TSPEAR: variants seen among roughly 807,000 people sequenced by gnomAD.
TSPEAR encodes thrombospondin-type laminin G domain and EAR repeat-containing protein.
Under a neutral mutation model 71.6 loss-of-function variants are expected in TSPEAR, and 69 were observed. The ratio of observed to expected loss-of-function variants is 0.96; its 90% CI spans 0.79 to 1.18. The LOEUF (loss-of-function observed/expected upper bound fraction) is 1.18, where lower values mean the gene tolerates loss of function less well. TSPEAR is among the 50% of genes most tolerant of loss of function. The pLI, the probability that TSPEAR is intolerant of heterozygous loss-of-function variation, is 0.00. For missense variants in TSPEAR, 971 were observed against 894.9 expected, an observed-to-expected ratio of 1.09 and a Z score of -1.09; for synonymous variants, 402 against 387.2, an observed-to-expected ratio of 1.04 and a Z score of -0.45.
rs150439642 is a variant in TSPEAR at position 44,523,003 on chromosome 21, C to G, written c.1337-891G>C. On this transcript the variant is annotated intron_variant, in intron 8 of 11. Transcript: ENST00000323084. ...GTCAGTCAGTCAGATAGTCAGTCAT[C>G]AGTTAGTCACTGAAACAGTTAGTCA... 5.0e-3 allele frequency among the ~76,000 whole-genome samples: 765 copies of G among 152,164 alleles called. 6 individuals carry two copies. The highest frequency in any genetic ancestry group is 0.018 in the African/African-American group (732 of 41,512).
At chr21:44,505,320 C>T (rs1036915718) in intron 10 of TSPEAR, among the ~76,000 whole-genome samples, 82 of 152,200 alleles carry the variant, frequency 5.4e-4, no homozygotes, top group African/African-American at 1.8e-3. Context: ...CTCAAGTGAT[C>T]TGCCCACCTC....
Position 44,658,282 on chromosome 21 carries a change from T to A in TSPEAR, c.82+53151A>T, listed in dbSNP as rs1555943005. 6 of 1,612,230 alleles carry A rather than the reference T, an allele frequency of 3.7e-6. No homozygotes were observed. In the East Asian group the frequency reaches 1.3e-4, roughly 36 times the overall value. On this transcript the variant is annotated intron_variant, in intron 1 of 11. Transcript: ENST00000323084. ...CTTCCTGCTGCTGACCAGCTGCTCCTGGTACACGGGGGTACACACCTGTAT... is the reference window on the plus strand; with the variant it reads ...CTTCCTGCTGCTGACCAGCTGCTCCAGGTACACGGGGGTACACACCTGTAT...
chr21:44,591,656 C>T, intron 1 of TSPEAR: 1 of 1,612,548 alleles, frequency 6.2e-7, no homozygotes, highest in Non-Finnish European at 8.5e-7. Flanking sequence ...GTGGAAGCCC[C>T]AGAGCAGACG....
At chr21:44,554,897 A>C (rs233247) in intron 2 of TSPEAR, among the ~76,000 whole-genome samples, 34,298 of 152,146 alleles carry the variant, frequency 0.23, 4,116 homozygotes, top group East Asian at 0.37. Flanking sequence ...TGGGGGTGGA[A>C]CCGTGGGCTG....
chr21:44,527,499 G>C lies in TSPEAR; in HGVS notation c.942C>G (p.Tyr314Ter), dbSNP rs146600721. The change falls in exon 7 of 12, where the codon TAC becomes TAG. Residue 314 changes from tyrosine to a stop codon, truncating the protein, a stop_gained. Coordinates refer to ENST00000323084, the MANE Select transcript of TSPEAR (RefSeq NM_144991.3). LOFTEE classifies it high-confidence loss of function. ...SVLAAKERLD[Y>*]VEEHQNLSTN... ...TGGACAAGTTCTGATGCTCCTCCAC[G>C]TAGTCCAGTCTTTCTTTGGCTTGTG... 1.2e-6 allele frequency: 2 copies of C among 1,614,180 alleles called. No homozygotes were observed. The highest frequency in any genetic ancestry group is 1.7e-6 in the Non-Finnish European group (2 of 1,180,018).
intron 1 of TSPEAR, among the ~76,000 whole-genome samples, chr21:44,614,608 G>C (rs587693349): frequency 5.3e-4 from 81 of 152,374 alleles, no homozygotes; most frequent in African/African-American, 1.9e-3. Context: ...CCCTCTGACG[G>C]GGCCTGCCTG....
At chr21:44,584,228 T>A (rs587611882) in intron 1 of TSPEAR, among the ~76,000 whole-genome samples, 20 of 152,322 alleles carry the variant, frequency 1.3e-4, no homozygotes, top group African/African-American at 4.8e-4. Flanking sequence ...TAGCATAGTG[T>A]GTGCAGGTTC....
At chr21:44,519,782 C>T (rs587639751) in intron 9 of TSPEAR, 2 of 152,392 alleles carry the variant, frequency 1.3e-5, no homozygotes, top group Admixed American at 1.3e-4. Context: ...CCGTTCTGAG[C>T]CTCTGTGTCC....
intron 9 of TSPEAR, among the ~76,000 whole-genome samples, chr21:44,512,333 C>T (rs2052411399): frequency 8.9e-6 from 1 of 112,248 alleles, no homozygotes; most frequent in Non-Finnish European, 1.7e-5. Context: ...GAGCCAAGTG[C>T]TGTGGGGGTG....
intron 1 of TSPEAR, among the ~76,000 whole-genome samples, chr21:44,597,432 C>CTTTTTTT (rs370569621): frequency 6.1e-5 from 8 of 130,618 alleles, no homozygotes; most frequent in African/African-American, 2.6e-4. Context: ...TTCTTTCTTT[C>CTTTTTTT]TTTTCTTTTT....
intron 1 of TSPEAR, among the ~76,000 whole-genome samples, chr21:44,644,264 G>A (rs1601522026): frequency 1.3e-5 from 2 of 152,294 alleles, no homozygotes; most frequent in East Asian, 3.9e-4. Flanking sequence ...ACCTCATGTT[G>A]TGGCTGACGT....
chr21:44,645,017 CAT>C (rs752469620), intron 1 of TSPEAR, among the ~76,000 whole-genome samples: 106 of 152,288 alleles, frequency 7.0e-4, no homozygotes, highest in Non-Finnish European at 1.3e-3. Flanking sequence ...AAAATGGTGA[CAT>C]GTGTTCATCA....
chr21:44,582,665 G>A (rs434716), intron 1 of TSPEAR, among the ~76,000 whole-genome samples: 143,472 of 152,202 alleles, frequency 0.94, 67,789 homozygotes, highest in Non-Finnish European at 0.97. Flanking sequence ...CAGCTCCAGG[G>A]TCTCAGTGTG....
At chr21:44,512,783 TGTGGGG>T (rs1171796984) in intron 9 of TSPEAR, among the ~76,000 whole-genome samples, 2 of 152,144 alleles carry the variant, frequency 1.3e-5, no homozygotes, top group African/African-American at 4.8e-5. Context: ...ACGTGTCAGC[TGTGGGG>T]GTGGGCATGG....
At chr21:44,658,121 C>T (rs1985267510) in intron 1 of TSPEAR, 1 of 1,613,580 alleles carries the variant, frequency 6.2e-7, no homozygotes, top group South Asian at 1.1e-5. Flanking sequence ...GTGCGTGGCT[C>T]CCTCCTGCCA....
chr21:44,594,562 C>T (rs910755437), intron 1 of TSPEAR, among the ~76,000 whole-genome samples: 11 of 152,306 alleles, frequency 7.2e-5, no homozygotes, highest in African/African-American at 1.7e-4. Flanking sequence ...TTCTCACAAC[C>T]GCAGAGTGAA....
At chr21:44,548,533 C>T (rs1392927370) in intron 2 of TSPEAR, among the ~76,000 whole-genome samples, 1 of 152,280 alleles carries the variant, frequency 6.6e-6, no homozygotes, top group African/African-American at 2.4e-5. Flanking sequence ...CACGTCCAAA[C>T]CAGAGGGTGG....
At chr21:44,650,420 C>CGGCGGCAGAGACTGGGGCCACATGACGAT (rs1984709401) in intron 1 of TSPEAR, among the ~76,000 whole-genome samples, 5 of 149,544 alleles carry the variant, frequency 3.3e-5, no homozygotes, top group South Asian at 2.1e-4. Flanking sequence ...CATGTGACGA[C>CGGCGGCAGAGACTGGGGCCACATGACGAT]GGCGGCAGAG....
intron 1 of TSPEAR, among the ~76,000 whole-genome samples, chr21:44,605,330 C>T (rs1055734851): frequency 3.9e-5 from 6 of 152,166 alleles, no homozygotes; most frequent in Non-Finnish European, 8.8e-5. Flanking sequence ...AACAATGTCC[C>T]ATATTCACGG....
Sources: gnomAD v4.1 joint callset for allele counts (sites outside exome capture counted in the v4.1 genomes callset) on GRCh38, gnomAD v4.1.1 for gene constraint, MANE v1.5 for transcripts, NCBI Gene and HGNC (gene_info 2026-07-23, HGNC 2026-07-21) for gene names.